The following MDGA2 variants were observed in gnomAD, a reference collection of about 807,000 sequenced individuals.
MDGA2 encodes MAM domain-containing glycosylphosphatidylinositol anchor protein 2.
A neutral mutation model predicts 117.8 loss-of-function variants in MDGA2; 40 were observed. The ratio of observed to expected loss-of-function variants is 0.34; its 90% CI spans 0.26 to 0.44. MDGA2 has a LOEUF of 0.44. Ranked by LOEUF, MDGA2 falls within the 20% of genes least tolerant of loss-of-function variation. The pLI is 1.00. For missense variants in MDGA2, 1,123 were observed against 1,250.6 expected, an observed-to-expected ratio of 0.90 and a Z score of 1.54; for synonymous variants, 452 against 439.0, an observed-to-expected ratio of 1.03 and a Z score of -0.37.
At chr14:47,330,870 T>C (rs777044887) in intron 1 of MDGA2, among the ~76,000 whole-genome samples, 5 of 151,916 alleles carry the variant, frequency 3.3e-5, no homozygotes, top group Admixed American at 6.6e-5. Flanking sequence ...AGATCCTTTG[T>C]CTATCTAAAT....
intron 2 of MDGA2, among the ~76,000 whole-genome samples, chr14:47,267,998 G>A (rs1368851244): frequency 6.6e-6 from 1 of 151,806 alleles, no homozygotes; most frequent in Non-Finnish European, 1.5e-5. Context: ...TTTGTTTATG[G>A]GCTTAAGTAC....
At chr14:47,027,318 A>C (rs1481276036) in intron 8 of MDGA2, among the ~76,000 whole-genome samples, 1 of 152,188 alleles carries the variant, frequency 6.6e-6, no homozygotes, top group East Asian at 1.9e-4. Context: ...TGGGGTGGAC[A>C]GAAGTACCTA....
intron 8 of MDGA2, among the ~76,000 whole-genome samples, chr14:47,023,198 T>TAAAAA (rs71985853): frequency 7.8e-5 from 8 of 102,838 alleles, no homozygotes; most frequent in Non-Finnish European, 1.2e-4. Context: ...TTCCCACTCG[T>TAAAAA]AAAAAAAAAA....
rs529404442 is a variant in MDGA2 at position 46,866,702 on chromosome 14, A to G, written c.2752+6731T>C. Among the ~76,000 whole-genome samples the G allele has an allele frequency of 1.6e-3, 243 of 152,074 alleles. 2 individuals carry two copies. The highest frequency in any genetic ancestry group is 5.7e-3 in the African/African-American group (236 of 41,550). On this transcript the variant is annotated intron_variant, in intron 14 of 16. Coordinates refer to ENST00000399232, the MANE Select transcript of MDGA2 (RefSeq NM_001113498.3). Reference sequence around the variant, plus strand: ...ACTCAAACAAATTTACAAGAAAAAAAAAAACAACCCCATCAGAAAGTGGGC... The same window carrying G: ...ACTCAAACAAATTTACAAGAAAAAAGAAAACAACCCCATCAGAAAGTGGGC...
intron 1 of MDGA2, among the ~76,000 whole-genome samples, chr14:47,600,723 TAA>T (rs377627666): frequency 1.4e-5 from 2 of 140,024 alleles, no homozygotes; most frequent in African/African-American, 2.7e-5. Context: ...ATCGGATCAT[TAA>T]AAAAAAAAAA....
At chr14:46,885,215 A>T (rs949250700) in intron 10 of MDGA2, among the ~76,000 whole-genome samples, 11 of 152,124 alleles carry the variant, frequency 7.2e-5, no homozygotes, top group African/African-American at 2.7e-4. Context: ...AAATTTGTCT[A>T]CCAAATTTAA....
chr14:47,457,252 A>G (rs1430285267), intron 1 of MDGA2, among the ~76,000 whole-genome samples: 1 of 152,228 alleles, frequency 6.6e-6, no homozygotes, highest in African/African-American at 2.4e-5. Context: ...AACAGCATGC[A>G]TTTAAAAAAA....
chr14:47,110,338 T>A (rs1880971383), intron 5 of MDGA2, among the ~76,000 whole-genome samples: 1 of 152,166 alleles, frequency 6.6e-6, no homozygotes. Context: ...CATACTTTAA[T>A]GGGGATTTAG....
At chr14:47,579,533 A>T (rs1185181454) in intron 1 of MDGA2, among the ~76,000 whole-genome samples, 4 of 152,112 alleles carry the variant, frequency 2.6e-5, no homozygotes, top group Non-Finnish European at 4.4e-5. Flanking sequence ...CCTAGGAATG[A>T]TGAAACAGCA....
At chr14:47,062,927 A>G (rs938153704) in intron 6 of MDGA2, among the ~76,000 whole-genome samples, 1 of 152,076 alleles carries the variant, frequency 6.6e-6, no homozygotes. Context: ...ATAGATATCA[A>G]AAACAATGTT....
intron 14 of MDGA2, among the ~76,000 whole-genome samples, chr14:46,864,111 A>G (rs1268426553): frequency 2.2e-5 from 3 of 135,938 alleles, no homozygotes; most frequent in East Asian, 2.4e-4. Flanking sequence ...AAAGCTAATT[A>G]ATAGTGTTAA....
chr14:46,861,167 G>T (rs575688507), intron 14 of MDGA2, among the ~76,000 whole-genome samples: 1 of 151,802 alleles, frequency 6.6e-6, no homozygotes, highest in Non-Finnish European at 1.5e-5. Context: ...ATCAAGAAAT[G>T]CACTTTTTAA....
intron 1 of MDGA2, among the ~76,000 whole-genome samples, chr14:47,571,863 A>C (rs1896026798): frequency 6.6e-6 from 1 of 152,192 alleles, no homozygotes; most frequent in African/African-American, 2.4e-5. Context: ...CTATGTAACA[A>C]ACCTGCAAGT....
chr14:47,158,362 G>A (rs891949492), intron 3 of MDGA2, among the ~76,000 whole-genome samples: 1 of 119,508 alleles, frequency 8.4e-6, no homozygotes, highest in African/African-American at 3.2e-5. Flanking sequence ...TCCCTGGGGT[G>A]GGTGTGTGTG....
At chr14:47,217,924 TA>T in intron 3 of MDGA2, 96 bp downstream of exon 3, 1 of 1,012,926 alleles carries the variant, frequency 9.9e-7, no homozygotes, top group Non-Finnish European at 1.4e-6. Flanking sequence ...CATTCTCAGC[TA>T]AACAGAACGC....
intron 1 of MDGA2, among the ~76,000 whole-genome samples, chr14:47,331,083 G>A (rs1407145525): frequency 6.6e-6 from 1 of 151,766 alleles, no homozygotes; most frequent in Non-Finnish European, 1.5e-5. Flanking sequence ...TTTTTATAAT[G>A]AAAATTTTGT....
intron 8 of MDGA2, among the ~76,000 whole-genome samples, chr14:46,974,223 C>G (rs898020391): frequency 1.3e-5 from 2 of 151,982 alleles, no homozygotes; most frequent in African/African-American, 2.4e-5. Context: ...CTGAAAGAAA[C>G]AAGACATAAA....
At chr14:47,151,592 T>C (rs530598863) in intron 3 of MDGA2, among the ~76,000 whole-genome samples, 8 of 152,242 alleles carry the variant, frequency 5.3e-5, no homozygotes, top group Non-Finnish European at 8.8e-5. Context: ...ATTTTATTTA[T>C]ATTTATCTCT....
Position 47,059,176 on chromosome 14 carries a change from ATAAT to A in MDGA2, c.1525+2069_1525+2072del, listed in dbSNP as rs964476667. The A allele has an allele frequency of 5.9e-5, 48 of 812,044 alleles. No individual in the cohort carries two copies. In the African/African-American group the frequency reaches 8.2e-4, roughly 14 times the overall value. The allele number at this position is 812,044 out of a possible 1,614,324, so 50.3% of individuals were successfully genotyped here. On this transcript the variant is annotated intron_variant, in intron 7 of 16. Coordinates refer to ENST00000399232, the MANE Select transcript of MDGA2 (RefSeq NM_001113498.3). ...CATAAATTAGTCATTTTGTTAGTTA[ATAAT>A]TATCTGTTTAGTACCTTCTATGTGC...
Sources: gnomAD v4.1 joint callset for allele counts (sites outside exome capture counted in the v4.1 genomes callset) on GRCh38, gnomAD v4.1.1 for gene constraint, MANE v1.5 for transcripts, NCBI Gene and HGNC (gene_info 2026-07-23, HGNC 2026-07-21) for gene names.